CCDC102B: variants seen among roughly 807,000 people sequenced by gnomAD.
CCDC102B encodes the protein coiled-coil domain-containing protein 102B.
In CCDC102B, 75 loss-of-function variants were observed where a neutral mutation model predicts 57.4. That is an observed-to-expected ratio of 1.31 (90% CI 1.08 to 1.58). The LOEUF (loss-of-function observed/expected upper bound fraction) is 1.58, where lower values mean the gene tolerates loss of function less well. Among genes scored for constraint, CCDC102B ranks in the 40% most tolerant of loss-of-function variants. The pLI, the probability that CCDC102B is intolerant of heterozygous loss-of-function variation, is 0.00. For synonymous variants in CCDC102B, 206 were observed against 201.9 expected (o/e 1.02, Z -0.17); for missense variants, 636 against 582.6 (o/e 1.09, Z -0.94).
intron 7 of CCDC102B, among the ~76,000 whole-genome samples, chr18:69,043,509 G>A (rs1299803496): frequency 6.6e-6 from 1 of 152,072 alleles, no homozygotes; most frequent in Non-Finnish European, 1.5e-5. Context: ...CCTAGGCAGA[G>A]GTCCCTGCGG....
At chr18:68,864,704 A>G (rs756066872) in intron 4 of CCDC102B, among the ~76,000 whole-genome samples, 1 of 152,018 alleles carries the variant, frequency 6.6e-6, no homozygotes, top group Non-Finnish European at 1.5e-5. Context: ...AAGATCATAT[A>G]TGATTCAACT....
At chr18:69,056,099 A>T (rs1030483128), downstream of CCDC102B, among the ~76,000 whole-genome samples, 7 of 152,092 alleles carry the variant, frequency 4.6e-5, no homozygotes, top group Non-Finnish European at 1.0e-4. Flanking sequence ...TATCCTCATA[A>T]TGATGACGAA....
intron 4 of CCDC102B, among the ~76,000 whole-genome samples, chr18:68,863,767 G>A (rs1357410847): frequency 6.6e-6 from 1 of 151,736 alleles, no homozygotes; most frequent in African/African-American, 2.4e-5. Context: ...TAAACTTATT[G>A]GATGTGTTTC....
In CCDC102B at chr18:68,925,129, A is replaced by G. The variant is rs150228943; in HGVS notation, c.1263+27701A>G. 3.8e-3 allele frequency among the ~76,000 whole-genome samples: 577 copies of G among 152,200 alleles called. 4 individuals carry two copies. The highest frequency in any genetic ancestry group is 6.8e-3 in the Middle Eastern group (2 of 294). On this transcript the variant is annotated intron_variant, in intron 6 of 7. Coordinates refer to ENST00000360242, the MANE Select transcript of CCDC102B (RefSeq NM_024781.3). ...TTATGCTATGGAAAAGCATTCTACC[A>G]GGTCTTCCTATCCTACCACCATCTA... is the stretch of plus-strand genomic sequence containing the variant.
chr18:69,022,211 A>ATATG (rs1555673511), intron 7 of CCDC102B, among the ~76,000 whole-genome samples: 938 of 37,004 alleles, frequency 0.025, 14 homozygotes, highest in African/African-American at 0.052. Context: ...ATATATATAT[A>ATATG]TATATATATA....
At chr18:68,850,379 G>A (rs553012201) in intron 4 of CCDC102B, among the ~76,000 whole-genome samples, 45 of 152,034 alleles carry the variant, frequency 3.0e-4, no homozygotes, top group Non-Finnish European at 4.4e-4. Context: ...TTTTCTCCCC[G>A]CCATGGAACT....
chr18:68,772,997 C>A (rs1453522146), intron 2 of CCDC102B, among the ~76,000 whole-genome samples: 2 of 151,940 alleles, frequency 1.3e-5, no homozygotes, highest in African/African-American at 2.4e-5. Context: ...ATGAATGTTA[C>A]AAAGTTTTAA....
At chr18:68,903,438 A>T (rs1474357081) in intron 6 of CCDC102B, among the ~76,000 whole-genome samples, 1 of 152,220 alleles carries the variant, frequency 6.6e-6, no homozygotes, top group Non-Finnish European at 1.5e-5. Context: ...CAAGTGTAAT[A>T]TTTATCAAGA....
At chr18:68,853,656 C>A (rs1384432512) in intron 4 of CCDC102B, among the ~76,000 whole-genome samples, 3 of 103,646 alleles carry the variant, frequency 2.9e-5, no homozygotes, top group African/African-American at 8.8e-5. Flanking sequence ...CCGAATTTTT[C>A]TTTATCCCCA....
At chr18:69,024,434 A>G (rs1049263646) in intron 7 of CCDC102B, among the ~76,000 whole-genome samples, 11 of 152,100 alleles carry the variant, frequency 7.2e-5, no homozygotes, top group Non-Finnish European at 1.6e-4. Context: ...ATTTAAAAAG[A>G]TACATATGCT....
At chr18:68,963,101 T>C (rs2050084009) in intron 6 of CCDC102B, among the ~76,000 whole-genome samples, 1 of 152,044 alleles carries the variant, frequency 6.6e-6, no homozygotes, top group Non-Finnish European at 1.5e-5. Flanking sequence ...TCTCACTATA[T>C]ATAAAGATAA....
chr18:69,043,507 G>C (rs2052484132), intron 7 of CCDC102B, among the ~76,000 whole-genome samples: 1 of 152,212 alleles, frequency 6.6e-6, no homozygotes, highest in Middle Eastern at 3.4e-3. Context: ...TTCCTAGGCA[G>C]AGGTCCCTGC....
intron 2 of CCDC102B, among the ~76,000 whole-genome samples, chr18:68,722,022 C>T (rs2032358352): frequency 1.3e-5 from 2 of 152,110 alleles, no homozygotes; most frequent in South Asian, 2.1e-4. Context: ...AGGAAACAAC[C>T]GAAGTAAGGG....
intron 2 of CCDC102B, among the ~76,000 whole-genome samples, chr18:68,744,299 G>A (rs2033528120): frequency 6.6e-6 from 1 of 152,120 alleles, no homozygotes; most frequent in African/African-American, 2.4e-5. Flanking sequence ...ACAATTTTTA[G>A]ATCCATATGG....
chr18:68,722,533 A>G (rs918537600), intron 2 of CCDC102B, among the ~76,000 whole-genome samples: 2 of 152,214 alleles, frequency 1.3e-5, no homozygotes, highest in African/African-American at 2.4e-5. Flanking sequence ...ACTTCCTCCT[A>G]CCAGACTTCA....
At position 68,848,256 on chromosome 18, in the gene CCDC102B, C is replaced by T. The variant is rs1476653645; in HGVS notation, c.936+1835C>T. ...TGTCATGATTCATTCTTTAAAATTT[C>T]ATGTAAATTATTCTTTCTTACTCCC... On this transcript the variant is annotated intron_variant, in intron 4 of 7. Coordinates refer to ENST00000360242, the MANE Select transcript of CCDC102B (RefSeq NM_024781.3). Among the ~76,000 whole-genome samples, 3 of 151,902 alleles carry T rather than the reference C, an allele frequency of 2.0e-5. No homozygotes were observed. The East Asian group carries it at 5.8e-4, about 29-fold the overall frequency.
intron 1 of CCDC102B, among the ~76,000 whole-genome samples, chr18:68,799,803 A>G (rs1407604460): frequency 6.6e-6 from 1 of 152,182 alleles, no homozygotes; most frequent in Non-Finnish European, 1.5e-5. Context: ...ATGGTGAGTA[A>G]TTTATCTGAT....
chr18:68,944,004 A>G (rs553781952), intron 6 of CCDC102B, among the ~76,000 whole-genome samples: 1 of 152,280 alleles, frequency 6.6e-6, no homozygotes, highest in South Asian at 2.1e-4. Flanking sequence ...TATGCCGGAC[A>G]GGGACTCAAG....
At chr18:69,026,506 C>T (rs1480037207) in intron 7 of CCDC102B, among the ~76,000 whole-genome samples, 1 of 149,444 alleles carries the variant, frequency 6.7e-6, no homozygotes, top group East Asian at 2.0e-4. Context: ...CAAAGCTGGG[C>T]GACATCTGGT....
Sources: allele counts gnomAD v4.1 joint callset (sites outside exome capture counted in the v4.1 genomes callset), GRCh38; gene constraint gnomAD v4.1.1; transcripts MANE v1.5; gene names NCBI Gene and HGNC (gene_info 2026-07-23, HGNC 2026-07-21).